The following MIDEAS variants were observed in gnomAD, a reference collection of about 807,000 sequenced individuals.
The protein encoded by MIDEAS is mitotic deacetylase-associated SANT domain protein.
Under a neutral mutation model 102.7 loss-of-function variants are expected in MIDEAS, and 26 were observed. That is an observed-to-expected ratio of 0.25 (90% CI 0.19 to 0.35). MIDEAS has a LOEUF of 0.35. MIDEAS is among the 10% of genes least tolerant of loss of function. MIDEAS has a pLI of 1.00. For synonymous variants in MIDEAS, 585 were observed against 591.0 expected (o/e 0.99, Z 0.15); for missense variants, 1,231 against 1,435.6 (o/e 0.86, Z 2.30).
chr14:73,734,385 G>C (rs2053176735), intron 3 of MIDEAS, among the ~76,000 whole-genome samples: 1 of 152,062 alleles, frequency 6.6e-6, no homozygotes, highest in Non-Finnish European at 1.5e-5. Flanking sequence ...TCTTTCCTAT[G>C]CATTTAACAG....
intron 1 of MIDEAS, among the ~76,000 whole-genome samples, chr14:73,766,578 C>G (rs555805881): frequency 1.9e-4 from 29 of 151,296 alleles, no homozygotes; most frequent in Admixed American, 4.6e-4. Context: ...GAGATGGAGT[C>G]TAGCTCTGTT....
At chr14:73,772,302 A>G (rs569475221) in intron 1 of MIDEAS, among the ~76,000 whole-genome samples, 1 of 152,362 alleles carries the variant, frequency 6.6e-6, no homozygotes, top group African/African-American at 2.4e-5. Context: ...GATGTTATAT[A>G]AATTATTAAA....
chr14:73,718,838 C>A lies in MIDEAS; in HGVS notation c.*5G>T, dbSNP rs1232035976. 6.9e-7 allele frequency: 1 copy of A among 1,446,710 alleles called. No individual in the cohort carries two copies. The highest frequency in any genetic ancestry group is 9.0e-7 in the Non-Finnish European group (1 of 1,108,930). The allele number at this position is 1,446,710 out of a possible 1,614,324, so 89.6% of individuals were successfully genotyped here. On this transcript the variant is annotated 3_prime_UTR_variant, in exon 13 of 13. Transcript: ENST00000423556. ...CCCAGGACTGGGCCAGCCTGGCTCC[C>A]GCGCTCAGCCCTTGTCGCCCGCACC...
chr14:73,745,937 A>C (rs1411169490), intron 1 of MIDEAS, among the ~76,000 whole-genome samples: 1 of 152,148 alleles, frequency 6.6e-6, no homozygotes, highest in Non-Finnish European at 1.5e-5. Flanking sequence ...CTCTGGACTG[A>C]ACTTCAGCTC....
chr14:73,771,514 A>T (rs2053642157), intron 1 of MIDEAS, among the ~76,000 whole-genome samples: 1 of 152,138 alleles, frequency 6.6e-6, no homozygotes, highest in South Asian at 2.1e-4. Context: ...GTGTTAAGAA[A>T]ATAAGGCTCT....
intron 1 of MIDEAS, among the ~76,000 whole-genome samples, chr14:73,755,975 C>T (rs1325421602): frequency 1.3e-5 from 2 of 152,112 alleles, no homozygotes; most frequent in Non-Finnish European, 2.9e-5. Context: ...TAGTATCATC[C>T]ACATTTTACA....
intron 1 of MIDEAS, among the ~76,000 whole-genome samples, chr14:73,786,905 C>A (rs2053816435): frequency 6.6e-6 from 1 of 151,822 alleles, no homozygotes; most frequent in Non-Finnish European, 1.5e-5. Context: ...CGCGGCAAAG[C>A]GGCGACAACA....
chr14:73,734,281 C>T (rs2053175634), intron 3 of MIDEAS, among the ~76,000 whole-genome samples: 1 of 152,178 alleles, frequency 6.6e-6, no homozygotes, highest in African/African-American at 2.4e-5. Flanking sequence ...CTGCCCCCGG[C>T]CCAGGATACA....
At chr14:73,756,715 G>A (rs776961270) in intron 1 of MIDEAS, among the ~76,000 whole-genome samples, 1 of 152,180 alleles carries the variant, frequency 6.6e-6, no homozygotes, top group African/African-American at 2.4e-5. Context: ...CAGGCTAGCA[G>A]ATCCCTAGGG....
At chr14:73,741,159 G>T (rs1424467660) in intron 1 of MIDEAS, among the ~76,000 whole-genome samples, 1 of 152,222 alleles carries the variant, frequency 6.6e-6, no homozygotes. Context: ...AGATCGTAGA[G>T]GGTGCAGATT....
At chr14:73,737,465 A>C (rs1231755595) in intron 2 of MIDEAS, among the ~76,000 whole-genome samples, 168 bp from the exon 3 acceptor site, 1 of 152,164 alleles carries the variant, frequency 6.6e-6, no homozygotes, top group Non-Finnish European at 1.5e-5. Context: ...CTCTACAGAA[A>C]ATAAAACAAA....
Position 73,721,443 on chromosome 14 carries a change from G to A in MIDEAS, c.2791C>T (p.Pro931Ser), listed in dbSNP as rs1337836574. 2 of 1,613,964 alleles carry A rather than the reference G, an allele frequency of 1.2e-6. No homozygotes were observed. Among genetic ancestry groups the A allele is most frequent in the East Asian group, 4.5e-5 (2 of 44,898 alleles). Residue 931 changes from proline (P) to serine (S), a missense_variant, in exon 11 of 13, where the codon CCC becomes TCC. By Grantham distance (74) the Pro-to-Ser change is moderately conservative (BLOSUM62 -1). Transcript: ENST00000423556. ...CTGGGCTCCTTCACCTCCCTCTTGG[G>A]CTCCAGCCTCTCTTCACTTGGGGAC... is the stretch of plus-strand genomic sequence containing the variant. ...RESPSEERLE[P>S]KREVKEPRKE...
intron 3 of MIDEAS, among the ~76,000 whole-genome samples, chr14:73,732,295 G>A (rs1391420062): frequency 6.6e-6 from 1 of 152,186 alleles, no homozygotes; most frequent in Non-Finnish European, 1.5e-5. Flanking sequence ...ACACATTTCT[G>A]AAGATATCAG....
intron 2 of MIDEAS, among the ~76,000 whole-genome samples, chr14:73,737,773 CTTTTTTTTTTTT>C (rs5809628): frequency 3.4e-5 from 3 of 89,246 alleles, no homozygotes; most frequent in East Asian, 2.9e-4. Flanking sequence ...TCTCCGACCA[CTTTTTTTTTTTT>C]TTTTTTTTTT....
chr14:73,750,047 T>C (rs1433231722), intron 1 of MIDEAS, among the ~76,000 whole-genome samples: 4 of 152,168 alleles, frequency 2.6e-5, no homozygotes, highest in African/African-American at 7.2e-5. Context: ...AGGCAAATAT[T>C]TCCACTTCCA....
rs1246717813 is a variant in MIDEAS at position 73,742,492 on chromosome 14, C to G, written c.-247-2237G>C. Among the ~76,000 whole-genome samples the G allele has an allele frequency of 6.6e-6, 1 of 152,190 alleles. No individual in the cohort carries two copies. The highest frequency in any genetic ancestry group is 1.5e-5 in the Non-Finnish European group (1 of 68,022). On this transcript the variant is annotated intron_variant, in intron 1 of 12. Transcript: ENST00000423556. The surrounding 1 kb of genome is among the most constrained non-coding windows in gnomAD (Gnocchi z 4.4). ...CAGGGCAGGGGCCAGAGGCCAGATGCAGGTCTTACAGGGGCTTACCCACAG... is the reference window on the plus strand; with the variant it reads ...CAGGGCAGGGGCCAGAGGCCAGATGGAGGTCTTACAGGGGCTTACCCACAG...
chr14:73,759,733 C>T lies in MIDEAS; in HGVS notation c.-248+30G>A, dbSNP rs1172910614. On this transcript the variant is annotated intron_variant, in intron 1 of 12. Transcript: ENST00000423556. The surrounding 1 kb of genome is among the most constrained non-coding windows in gnomAD (Gnocchi z 6.7). Reference sequence around the variant, plus strand: ...CTCGCCGGCCCCGCCGCGTGCAGGCCTCGGCCGCCGGCCAGGCAGCCCCAC... The same window carrying T: ...CTCGCCGGCCCCGCCGCGTGCAGGCTTCGGCCGCCGGCCAGGCAGCCCCAC... The T allele has an allele frequency of 6.6e-6, 1 of 151,744 alleles. No homozygotes were observed. The allele number at this position is 151,744 out of a possible 1,614,324, so 9.4% of individuals were successfully genotyped here. A position where few individuals can be genotyped will look rare whatever the true frequency, so the allele number is the denominator to read the frequency against.
Position 73,739,054 on chromosome 14 carries a change from G to A in MIDEAS, c.955C>T (p.Pro319Ser). The A allele has an allele frequency of 6.4e-7, 1 of 1,566,278 alleles. No homozygotes were observed. Among genetic ancestry groups the A allele is most frequent in the East Asian group, 2.3e-5 (1 of 44,440 alleles). Residue 319 changes from proline (P) to serine (S), a missense_variant, in exon 2 of 13, where the codon CCA becomes TCA. Physicochemically the swap from Pro to Ser is moderately conservative, Grantham distance 74. Transcript: ENST00000423556. ...TGCAGAAGGGCCTTGCGCAGTTCTG[G>A]GTTCATATCTGGGTTGGGGGGGAAG... ...YPFPPNPDMN[P>S]ELRKALLQDS...
rs775066295 is a variant in MIDEAS at position 73,739,920 on chromosome 14, G to A, written c.89C>T (p.Pro30Leu). The A allele has an allele frequency of 6.5e-7, 1 of 1,538,986 alleles. No individual in the cohort carries two copies. The highest frequency in any genetic ancestry group is 1.3e-5 in the South Asian group (1 of 78,962). ...GGACTGCTGGGGGGGCTGCAGGGGA[G>A]GGGGCTGCTCCTTGGGAGCTGGTTC... The part of the protein sequence containing the change: ...GQEPAPKEQP[P>L]PLQPPQQSIR... The change falls in exon 2 of 13, where the codon CCT becomes CTT. Residue 30 changes from proline to leucine, a missense_variant. This residue lies in a region of MIDEAS where 758 missense variants were observed against 856.0 expected (regional missense o/e 0.89). Transcript: ENST00000423556.
Sources: gnomAD v4.1 joint callset for allele counts (sites outside exome capture counted in the v4.1 genomes callset) on GRCh38, gnomAD v4.1.1 for gene constraint, gnomAD v4.1.1 regional missense constraint, Gnocchi (gnomAD v3.1) non-coding constraint, MANE v1.5 for transcripts, NCBI Gene and HGNC (gene_info 2026-07-23, HGNC 2026-07-21) for gene names.